Variants in HAAO observed in about 807,000 individuals in gnomAD.
The protein encoded by HAAO is 3-hydroxyanthranilate oxygenase.
Under a neutral mutation model 46.2 loss-of-function variants are expected in HAAO, and 49 were observed. The ratio of observed to expected loss-of-function variants is 1.06; its 90% CI spans 0.84 to 1.34. The LOEUF (loss-of-function observed/expected upper bound fraction) is 1.34, where lower values mean the gene tolerates loss of function less well. Ranked by LOEUF, HAAO falls within the 40% of genes most tolerant of loss-of-function variation. The pLI is 0.00. For synonymous variants in HAAO, 157 were observed against 145.2 expected (o/e 1.08, Z -0.58); for missense variants, 408 against 364.5 (o/e 1.12, Z -0.97).
At chr2:42,776,836 C>T (rs1471161823) in intron 4 of HAAO, among the ~76,000 whole-genome samples, 1 of 150,068 alleles carries the variant, frequency 6.7e-6, no homozygotes, top group Admixed American at 6.6e-5. Context: ...GTTTCACTAT[C>T]TTGGCCAGGT....
At chr2:42,778,820 T>A (rs1208937793) in intron 4 of HAAO, among the ~76,000 whole-genome samples, 1 of 152,102 alleles carries the variant, frequency 6.6e-6, no homozygotes, top group East Asian at 1.9e-4. Context: ...TAAAATAAGT[T>A]CAGTTTCTCG....
At chr2:42,783,692 C>A in intron 3 of HAAO, 92 bp downstream of exon 3, 2 of 1,114,132 alleles carry the variant, frequency 1.8e-6, no homozygotes, top group South Asian at 1.4e-5. Flanking sequence ...GTAGGGAGGA[C>A]AAGACCTCAG....
chr2:42,773,426 C>T (rs1573910974), intron 4 of HAAO, among the ~76,000 whole-genome samples: 2 of 151,784 alleles, frequency 1.3e-5, no homozygotes, highest in African/African-American at 2.4e-5. Flanking sequence ...TCTGGCTGCA[C>T]TGGGGGAGGT....
At chr2:42,786,062 TG>T (rs2104667340) in intron 2 of HAAO, among the ~76,000 whole-genome samples, 1 of 130,634 alleles carries the variant, frequency 7.7e-6, no homozygotes, top group Non-Finnish European at 1.7e-5. Flanking sequence ...TGTGTGTGTG[TG>T]TGTGTGTCTA....
intron 4 of HAAO, among the ~76,000 whole-genome samples, chr2:42,771,514 G>C (rs1478897533): frequency 6.6e-6 from 1 of 152,066 alleles, no homozygotes; most frequent in African/African-American, 2.4e-5. Context: ...CTTCTTTCAG[G>C]GTCATGATTG....
At position 42,783,839 on chromosome 2, in the gene HAAO, A is replaced by T. The variant is rs761570082; in HGVS notation, c.188T>A (p.Val63Asp). 1 of 1,612,550 alleles carries T rather than the reference A, an allele frequency of 6.2e-7. No homozygotes were observed. Among genetic ancestry groups the T allele is most frequent in the East Asian group, 2.2e-5 (1 of 44,876 alleles). ...TTTCCCTTGCTCCAGGACTCGGAGA[A>T]CCATGTCTCCCTCCAGCTGGTAAAA... is the stretch of plus-strand genomic sequence containing the variant. ...EVFYQLEGDM[V>D]LRVLEQGKHR... Residue 63 changes from valine (V) to aspartate (D), a missense_variant, in exon 3 of 10, where the codon GTT becomes GAT. Val to Asp is a radical substitution (Grantham distance 152). Coordinates refer to ENST00000294973, the MANE Select transcript of HAAO (RefSeq NM_012205.3).
At chr2:42,780,382 A>G (rs1437884876) in intron 4 of HAAO, among the ~76,000 whole-genome samples, 2 of 151,438 alleles carry the variant, frequency 1.3e-5, no homozygotes, top group Non-Finnish European at 2.9e-5. Flanking sequence ...TAATTTTTGT[A>G]CTTTTAGTAG....
chr2:42,780,950 G>A (rs910830391), intron 4 of HAAO, among the ~76,000 whole-genome samples: 6 of 151,150 alleles, frequency 4.0e-5, no homozygotes, highest in Middle Eastern at 3.4e-3. Context: ...GGTGGCAGGC[G>A]CCTGTAGTCC....
rs74901559 is a variant in HAAO at position 42,781,458 on chromosome 2, A to C, written c.350+1856T>G. Reference sequence around the variant, plus strand: ...CTTGGAACCTCAAGAAGATCACCCAACTCATAGGTATTCAATAGCACATAT... The same window carrying C: ...CTTGGAACCTCAAGAAGATCACCCACCTCATAGGTATTCAATAGCACATAT... On this transcript the variant is annotated intron_variant, in intron 4 of 9. Transcript: ENST00000294973. Among the ~76,000 whole-genome samples the C allele has an allele frequency of 2.9e-3, 444 of 152,294 alleles. 1 individual carries two copies. Among genetic ancestry groups the C allele is most frequent in the African/African-American group, 9.9e-3 (410 of 41,562 alleles).
At chr2:42,791,613 CTCACGGTGCTACT>C (rs917625161) in intron 1 of HAAO, among the ~76,000 whole-genome samples, 3 of 152,192 alleles carry the variant, frequency 2.0e-5, no homozygotes, top group African/African-American at 7.2e-5. Flanking sequence ...AAAATCCCCC[CTCACGGTGCTACT>C]GTGAGAATGA....
At position 42,781,113 on chromosome 2, in the gene HAAO, C is replaced by G. The variant is rs184852525; in HGVS notation, c.350+2201G>C. Among the ~76,000 whole-genome samples, 336 of 152,148 alleles carry G rather than the reference C, an allele frequency of 2.2e-3. 1 individual carries two copies. The highest frequency in any genetic ancestry group is 4.0e-3 in the Non-Finnish European group (270 of 67,996). ...CAACAATTTAGTATACTCCCATGAA[C>G]AAAATTTGGAGCATATTTTTTTCTC... On this transcript the variant is annotated intron_variant, in intron 4 of 9. Coordinates refer to ENST00000294973, the MANE Select transcript of HAAO (RefSeq NM_012205.3).
At chr2:42,780,499 C>T (rs548211452) in intron 4 of HAAO, among the ~76,000 whole-genome samples, 10 of 151,658 alleles carry the variant, frequency 6.6e-5, no homozygotes, top group African/African-American at 1.9e-4. Context: ...AGCCACCGCG[C>T]CCGGCGAACA....
chr2:42,779,976 C>G (rs568184320), intron 4 of HAAO, among the ~76,000 whole-genome samples: 31 of 152,080 alleles, frequency 2.0e-4, no homozygotes, highest in African/African-American at 7.2e-4. Context: ...GTATGTATTC[C>G]AAAATTATGG....
chr2:42,772,772 G>A (rs1369492469), intron 4 of HAAO, among the ~76,000 whole-genome samples: 2 of 151,968 alleles, frequency 1.3e-5, no homozygotes, highest in Non-Finnish European at 2.9e-5. Context: ...AAAACAACAC[G>A]TATTTTAAAA....
At chr2:42,789,619 C>T (rs1272133898) in intron 1 of HAAO, among the ~76,000 whole-genome samples, 3 of 151,984 alleles carry the variant, frequency 2.0e-5, no homozygotes, top group African/African-American at 2.4e-5. Context: ...ATTTTACAGC[C>T]GATTTAGCCA....
intron 2 of HAAO, among the ~76,000 whole-genome samples, chr2:42,785,864 A>G: frequency 6.6e-6 from 1 of 152,170 alleles, no homozygotes; most frequent in East Asian, 1.9e-4. Flanking sequence ...CCCCATCTCT[A>G]AAAAACAAAA....
At chr2:42,775,558 C>A (rs753275672) in intron 4 of HAAO, among the ~76,000 whole-genome samples, 6 of 151,416 alleles carry the variant, frequency 4.0e-5, no homozygotes, top group Non-Finnish European at 8.8e-5. Context: ...ATTTAACTTT[C>A]ATGTTTTTGT....
Position 42,788,633 on chromosome 2 carries a change from G to A in HAAO, c.81-26C>T, listed in dbSNP as rs368944242. ...CTGCAATGCGCAAAGTGGGGGAGAC[G>A]TTCTAAACCATCTCCTAGGAGTGAA... On this transcript the variant is annotated intron_variant, in intron 1 of 9. Coordinates refer to ENST00000294973, the MANE Select transcript of HAAO (RefSeq NM_012205.3). 1.1e-4 allele frequency: 141 copies of A among 1,336,234 alleles called. 1 individual carries two copies. The East Asian group carries it at 2.1e-3, about 20-fold the overall frequency. 82.8% of individuals were successfully genotyped at this position (1,336,234 alleles called of 1,614,324 possible).
chr2:42,780,937 C>T (rs972095298), intron 4 of HAAO, among the ~76,000 whole-genome samples: 4 of 149,168 alleles, frequency 2.7e-5, no homozygotes, highest in Non-Finnish European at 4.5e-5. Context: ...ATTTGCTGGG[C>T]GTGGTGGCAG....
Sources: gnomAD v4.1 joint callset for allele counts (sites outside exome capture counted in the v4.1 genomes callset) on GRCh38, gnomAD v4.1.1 for gene constraint, MANE v1.5 for transcripts, NCBI Gene and HGNC (gene_info 2026-07-23, HGNC 2026-07-21) for gene names.